Variants in CREB5 observed in about 807,000 individuals in gnomAD.
The protein encoded by CREB5 is cAMP responsive element binding protein 5, also known as cyclic AMP-responsive element-binding protein 5.
CREB5 carries 19 observed loss-of-function variants against 57.1 expected under a neutral mutation model. The observed-to-expected ratio is 0.33, with a 90% CI of 0.23 to 0.49. CREB5 has a LOEUF of 0.49. CREB5 is among the 20% of genes least tolerant of loss of function. CREB5 has a pLI of 0.99. For missense variants in CREB5, 579 were observed against 671.6 expected, an observed-to-expected ratio of 0.86 and a Z score of 1.52; for synonymous variants, 238 against 238.3, an observed-to-expected ratio of 1.00 and a Z score of 0.01.
At chr7:28,423,475 G>T (rs2128011354) in intron 1 of CREB5, among the ~76,000 whole-genome samples, 1 of 152,308 alleles carries the variant, frequency 6.6e-6, no homozygotes, top group Middle Eastern at 3.4e-3. Context: ...GACAAGAGAT[G>T]ATGGGGGCTT....
At chr7:28,303,946 C>T (rs1785143211) in intron 1 of CREB5, among the ~76,000 whole-genome samples, 1 of 152,138 alleles carries the variant, frequency 6.6e-6, no homozygotes, top group Admixed American at 6.5e-5. Context: ...GAATAAAAAT[C>T]AGGCAACCTT....
At position 28,818,178 on chromosome 7, in the gene CREB5, A is replaced by G. The variant is rs1809551331; in HGVS notation, c.1362A>G (p.Leu454=). 2.5e-6 allele frequency: 4 copies of G among 1,607,028 alleles called. No homozygotes were observed. The highest frequency in any genetic ancestry group is 2.2e-5 in the South Asian group (2 of 90,138). ...TGCAGAAAGAATCACAAGGATATCT[A>G]AGTAAGTCGCCGACTTTTTCACTTT... The part of the protein sequence containing the change: ...TAMQKESQGY[L]SPESSPPASP... Residue 454 remains leucine (L), a splice_region_variant and synonymous_variant, in exon 10 of 11, where the codon CTA becomes CTG. Transcript: ENST00000357727.
At chr7:28,439,243 C>T (rs543092723) in intron 1 of CREB5, among the ~76,000 whole-genome samples, 1 of 152,114 alleles carries the variant, frequency 6.6e-6, no homozygotes, top group Non-Finnish European at 1.5e-5. Context: ...TTCTTCACTG[C>T]CCATAGGGTA....
In CREB5 at chr7:28,819,993, T is replaced by TAAAGA. The variant is rs1809669072; in HGVS notation, c.*718_*722dup. 1 of 148,640 alleles carries TAAAGA rather than the reference T, an allele frequency of 6.7e-6. No homozygotes were observed. Among genetic ancestry groups the TAAAGA allele is most frequent in the African/African-American group, 2.5e-5 (1 of 40,244 alleles). The allele number at this position is 148,640 out of a possible 1,614,324, so 9.2% of individuals were successfully genotyped here. A position where few individuals can be genotyped will look rare whatever the true frequency, so the allele number is the denominator to read the frequency against. On this transcript the variant is annotated 3_prime_UTR_variant, in exon 11 of 11. Transcript: ENST00000357727. ...TGCATGTGAATAAGAAAATAATGTT[T>TAAAGA]AAAGAAAAAAAAAAAAAAGCAAACC... is the stretch of plus-strand genomic sequence containing the variant.
intron 5 of CREB5, among the ~76,000 whole-genome samples, chr7:28,652,921 T>G (rs940989096): frequency 1.3e-5 from 2 of 152,188 alleles, no homozygotes; most frequent in African/African-American, 4.8e-5. Flanking sequence ...GGTGAAAAAC[T>G]TTGTAATGGA....
chr7:28,689,651 T>G (rs989738779), intron 5 of CREB5, among the ~76,000 whole-genome samples: 6 of 152,100 alleles, frequency 3.9e-5, no homozygotes, highest in Non-Finnish European at 2.9e-5. Context: ...CTTTCATGAT[T>G]TCTGAAGGTT....
chr7:28,559,308 T>TTTTGTTTG (rs939584048), intron 4 of CREB5, among the ~76,000 whole-genome samples: 1 of 152,052 alleles, frequency 6.6e-6, no homozygotes, highest in African/African-American at 2.4e-5. Flanking sequence ...CATATAGGTT[T>TTTTGTTTG]TTTGTTTGTT....
intron 5 of CREB5, among the ~76,000 whole-genome samples, chr7:28,632,194 T>C (rs1159329875): frequency 6.6e-6 from 1 of 152,142 alleles, no homozygotes; most frequent in East Asian, 1.9e-4. Context: ...TACACCAAAA[T>C]TGTAGGTGCC....
intron 7 of CREB5, among the ~76,000 whole-genome samples, chr7:28,803,885 G>T (rs1388968186): frequency 6.6e-6 from 1 of 151,908 alleles, no homozygotes; most frequent in African/African-American, 2.4e-5. Flanking sequence ...ACGATATAAT[G>T]CATGATTGGA....
chr7:28,493,059 T>A (rs1791875428), intron 2 of CREB5, among the ~76,000 whole-genome samples: 1 of 152,242 alleles, frequency 6.6e-6, no homozygotes, highest in South Asian at 2.1e-4. Flanking sequence ...AAATAAGTGA[T>A]ATTTATTCAG....
intron 5 of CREB5, among the ~76,000 whole-genome samples, chr7:28,699,359 T>TAAA (rs941925904): frequency 2.0e-5 from 3 of 152,212 alleles, no homozygotes; most frequent in African/African-American, 7.2e-5. Context: ...AAGCTATCTT[T>TAAA]AAATCTATAT....
At chr7:28,352,166 G>A (rs1006741196) in intron 1 of CREB5, among the ~76,000 whole-genome samples, 1 of 152,154 alleles carries the variant, frequency 6.6e-6, no homozygotes, top group African/African-American at 2.4e-5. Flanking sequence ...GCATTGGGTT[G>A]GACAATGATG....
chr7:28,410,410 G>A, upstream of CREB5: 2 of 456,736 alleles, frequency 4.4e-6, no homozygotes, highest in South Asian at 3.1e-5. Flanking sequence ...CAGATTCTCG[G>A]CAGAATCACT....
intron 4 of CREB5, among the ~76,000 whole-genome samples, chr7:28,511,237 G>A (rs1488603018): frequency 6.6e-6 from 1 of 151,938 alleles, no homozygotes; most frequent in African/African-American, 2.4e-5. Flanking sequence ...GTTAGTAGAT[G>A]TGCAAGCAGA....
At chr7:28,493,776 A>G (rs186051449) in intron 2 of CREB5, among the ~76,000 whole-genome samples, 56 of 152,324 alleles carry the variant, frequency 3.7e-4, no homozygotes, top group Non-Finnish European at 5.9e-5. Context: ...AGCATTTTTG[A>G]TAACCATAAT....
chr7:28,300,148 T>C (rs1785075986), intron 1 of CREB5, among the ~76,000 whole-genome samples: 1 of 152,044 alleles, frequency 6.6e-6, no homozygotes, highest in Non-Finnish European at 1.5e-5. Context: ...GATGCTCACC[T>C]TGTCAAACTG....
intron 5 of CREB5, among the ~76,000 whole-genome samples, chr7:28,683,320 G>A (rs1413826294): frequency 2.0e-5 from 3 of 152,152 alleles, no homozygotes; most frequent in Non-Finnish European, 4.4e-5. Context: ...TTTTCAAGTG[G>A]GGAGGCACCC....
intron 1 of CREB5, among the ~76,000 whole-genome samples, chr7:28,475,426 T>G (rs1386889003): frequency 6.6e-6 from 1 of 151,660 alleles, no homozygotes; most frequent in Non-Finnish European, 1.5e-5. Flanking sequence ...AAAAGTAGCA[T>G]TTTTAAAATT....
intron 5 of CREB5, among the ~76,000 whole-genome samples, chr7:28,599,259 A>AAG (rs898302663): frequency 2.6e-5 from 4 of 151,958 alleles, no homozygotes; most frequent in Admixed American, 6.6e-5. Context: ...ATAAATGTGA[A>AAG]AGAGAGAGAG....
Sources: allele counts gnomAD v4.1 joint callset (sites outside exome capture counted in the v4.1 genomes callset), GRCh38; gene constraint gnomAD v4.1.1; transcripts MANE v1.5; gene names NCBI Gene and HGNC (gene_info 2026-07-23, HGNC 2026-07-21).